The following CNTNAP5 variants were observed in gnomAD, a reference collection of about 807,000 sequenced individuals.
CNTNAP5 encodes contactin-associated protein-like 5.
In CNTNAP5, 72 loss-of-function variants were observed where a neutral mutation model predicts 150.2. The observed-to-expected ratio is 0.48, with a 90% CI of 0.40 to 0.58. CNTNAP5 has a LOEUF of 0.58. CNTNAP5 is among the 20% of genes least tolerant of loss of function. The pLI is 0.00. For synonymous variants in CNTNAP5, 672 were observed against 619.8 expected, an observed-to-expected ratio of 1.08 and a Z score of -1.25; for missense variants, 1,636 against 1,626.2, an observed-to-expected ratio of 1.01 and a Z score of -0.10.
intron 21 of CNTNAP5, among the ~76,000 whole-genome samples, chr2:124,891,332 G>T (rs2104748340): frequency 6.6e-6 from 1 of 152,158 alleles, no homozygotes; most frequent in Admixed American, 6.5e-5. Context: ...GAAAGTACCA[G>T]CCCTCTTGAA....
intron 13 of CNTNAP5, among the ~76,000 whole-genome samples, chr2:124,718,853 G>A (rs376731101): frequency 1.3e-5 from 2 of 152,166 alleles, no homozygotes; most frequent in East Asian, 3.9e-4. Flanking sequence ...GCTGAGGCAG[G>A]GGAATCTCTT....
intron 13 of CNTNAP5, among the ~76,000 whole-genome samples, chr2:124,713,378 T>TCTTTCTTC (rs1382992578): frequency 5.2e-5 from 7 of 133,798 alleles, no homozygotes; most frequent in South Asian, 4.9e-4. Context: ...TTTCTTTCTT[T>TCTTTCTTC]CTTCTCCCTC....
intron 3 of CNTNAP5, among the ~76,000 whole-genome samples, chr2:124,354,886 C>T (rs1034192783): frequency 2.0e-5 from 3 of 151,824 alleles, no homozygotes; most frequent in East Asian, 3.9e-4. Context: ...GTATATAGCC[C>T]GGTTTTTGAT....
At chr2:124,828,436 G>A (rs1466996340) in intron 19 of CNTNAP5, among the ~76,000 whole-genome samples, 12 of 152,012 alleles carry the variant, frequency 7.9e-5, no homozygotes, top group South Asian at 2.1e-4. Context: ...AGCTGAGATC[G>A]TGCCACTGCA....
chr2:124,600,688 AG>A (rs1663121688), intron 11 of CNTNAP5, among the ~76,000 whole-genome samples: 1 of 151,744 alleles, frequency 6.6e-6, no homozygotes, highest in South Asian at 2.1e-4. Flanking sequence ...AGACAAATAC[AG>A]GGGCACACAC....
At chr2:124,285,399 G>T (rs1233069381) in intron 3 of CNTNAP5, among the ~76,000 whole-genome samples, 1 of 152,126 alleles carries the variant, frequency 6.6e-6, no homozygotes, top group Non-Finnish European at 1.5e-5. Flanking sequence ...TAAACAGGAG[G>T]AAACTAGATT....
At chr2:124,450,556 C>CAAA (rs11299541) in intron 6 of CNTNAP5, among the ~76,000 whole-genome samples, 25 of 65,004 alleles carry the variant, frequency 3.8e-4, no homozygotes, top group African/African-American at 1.3e-3. Context: ...AATCTGCTGT[C>CAAA]AAAAAAAAAA....
rs530340440 is a variant in CNTNAP5, at chr2:124,869,526, G to A, written c.3349-149G>A. 7.4e-5 allele frequency: 41 copies of A among 555,456 alleles called. 1 individual carries two copies. The East Asian group carries it at 7.5e-4, about 10-fold the overall frequency. The allele number at this position is 555,456 out of a possible 1,614,324, so 34.4% of individuals were successfully genotyped here. Reference sequence around the variant, plus strand: ...TTATGTGCGTTGTGGGCAAATTAGCGAGACCTGTCTAATCTCTCCTGAGAG... The same window carrying A: ...TTATGTGCGTTGTGGGCAAATTAGCAAGACCTGTCTAATCTCTCCTGAGAG... On this transcript the variant is annotated intron_variant, in intron 20 of 23. Transcript: ENST00000682447.
In CNTNAP5 at chr2:124,550,332, G is replaced by A. The variant is rs141098372; in HGVS notation, c.1650-12885G>A. ...CTTTGCTATTCAGTGAGGTCTGGGAGCCAGCAGTTTTCTCATTCCCATAAG... is the reference window on the plus strand; with the variant it reads ...CTTTGCTATTCAGTGAGGTCTGGGAACCAGCAGTTTTCTCATTCCCATAAG... On this transcript the variant is annotated intron_variant, in intron 10 of 23. Coordinates refer to ENST00000682447, the MANE Select transcript of CNTNAP5 (RefSeq NM_001367498.1). Among the ~76,000 whole-genome samples, 322 of 152,246 alleles carry A rather than the reference G, an allele frequency of 2.1e-3. 1 individual carries two copies. The highest frequency in any genetic ancestry group is 7.2e-3 in the African/African-American group (299 of 41,546).
At chr2:124,498,878 G>C (rs1694211718) in intron 7 of CNTNAP5, among the ~76,000 whole-genome samples, 3 of 152,088 alleles carry the variant, frequency 2.0e-5, no homozygotes, top group African/African-American at 7.2e-5. Flanking sequence ...AAAGATGTGG[G>C]TCTTCAGTCT....
At chr2:124,191,702 G>A (rs564735924) in intron 1 of CNTNAP5, among the ~76,000 whole-genome samples, 1 of 152,120 alleles carries the variant, frequency 6.6e-6, no homozygotes, top group East Asian at 1.9e-4. Context: ...GATCACCTGA[G>A]GTCAGGAGTT....
intron 13 of CNTNAP5, among the ~76,000 whole-genome samples, chr2:124,736,571 G>A (rs535176511): frequency 6.6e-6 from 1 of 152,178 alleles, no homozygotes; most frequent in East Asian, 1.9e-4. Context: ...ACTGTATGGT[G>A]GTCTCATTCT....
At chr2:124,255,490 C>T (rs1473242222) in intron 3 of CNTNAP5, among the ~76,000 whole-genome samples, 1 of 151,226 alleles carries the variant, frequency 6.6e-6, no homozygotes, top group African/African-American at 2.4e-5. Context: ...CGCCACGGCA[C>T]TCTAGCCTGG....
chr2:124,220,405 T>C (rs1319666986), intron 1 of CNTNAP5, among the ~76,000 whole-genome samples: 1 of 152,146 alleles, frequency 6.6e-6, no homozygotes. Context: ...CTTATTTCAT[T>C]AGCTCACGAT....
chr2:124,479,515 A>C (rs1272371772), intron 7 of CNTNAP5, among the ~76,000 whole-genome samples: 1 of 152,206 alleles, frequency 6.6e-6, no homozygotes, highest in Non-Finnish European at 1.5e-5. Context: ...AAGAAAATGC[A>C]AATAACTAAT....
At chr2:124,886,092 A>T (rs1678074593) in intron 21 of CNTNAP5, among the ~76,000 whole-genome samples, 1 of 152,022 alleles carries the variant, frequency 6.6e-6, no homozygotes, top group Admixed American at 6.6e-5. Context: ...CACTCTTACC[A>T]TTCTCCTTGT....
At chr2:124,287,420 CCT>C (rs2104629956) in intron 3 of CNTNAP5, among the ~76,000 whole-genome samples, 1 of 152,260 alleles carries the variant, frequency 6.6e-6, no homozygotes, top group African/African-American at 2.4e-5. Context: ...CTACCATGTC[CCT>C]GTCAAGCTTC....
At chr2:124,032,160 G>A (rs1462027022) in intron 1 of CNTNAP5, among the ~76,000 whole-genome samples, 1 of 152,064 alleles carries the variant, frequency 6.6e-6, no homozygotes, top group African/African-American at 2.4e-5. Flanking sequence ...GGTAAACACG[G>A]CATGCACTTT....
rs191617482 is a variant in CNTNAP5, at chr2:124,550,580, G to A, written c.1650-12637G>A. ...ATCATAATCATGATGCTGAACAAAAGCCTGTGAGTGCAGGGAACACAAAAC... is the reference window on the plus strand; with the variant it reads ...ATCATAATCATGATGCTGAACAAAAACCTGTGAGTGCAGGGAACACAAAAC... On this transcript the variant is annotated intron_variant, in intron 10 of 23. Transcript: ENST00000682447. Among the ~76,000 whole-genome samples, 5 of 152,162 alleles carry A rather than the reference G, an allele frequency of 3.3e-5. No individual in the cohort carries two copies. The East Asian group carries it at 5.8e-4, about 18-fold the overall frequency.
Sources: allele counts gnomAD v4.1 joint callset (sites outside exome capture counted in the v4.1 genomes callset), GRCh38; gene constraint gnomAD v4.1.1; transcripts MANE v1.5; gene names NCBI Gene and HGNC (gene_info 2026-07-23, HGNC 2026-07-21).